The following TAF1L variants were observed in gnomAD, a reference collection of about 807,000 sequenced individuals.
TAF1L encodes transcription initiation factor TFIID subunit 1-like.
Under a neutral mutation model 128.8 loss-of-function variants are expected in TAF1L, and 30 were observed. The observed-to-expected ratio is 0.23, with a 90% CI of 0.17 to 0.32. The LOEUF (loss-of-function observed/expected upper bound fraction) is 0.32. TAF1L is among the 10% of genes least tolerant of loss of function. The pLI is 1.00. For synonymous variants in TAF1L, 764 were observed against 790.7 expected, an observed-to-expected ratio of 0.97 and a Z score of 0.57; for missense variants, 2,099 against 2,253.7, an observed-to-expected ratio of 0.93 and a Z score of 1.39.
In TAF1L at chr9:32,630,396, C is replaced by T. The variant is rs1055664019; in HGVS notation, c.5184G>A (p.Glu1728=). Residue 1728 remains glutamate, a synonymous_variant, in exon 1 of 1, where the codon GAG becomes GAA. Transcript: ENST00000242310. ...VDVEGYDDEE[E]DGKPKPPAPE... ...GGGCTGGAGGCTTAGGTTTCCCATC[C>T]TCCTCCTCATCATCATACCCTTCAA... is the stretch of plus-strand genomic sequence containing the variant. 1 of 1,614,036 alleles carries T rather than the reference C, an allele frequency of 6.2e-7. No individual in the cohort carries two copies. Among genetic ancestry groups the T allele is most frequent in the Non-Finnish European group, 8.5e-7 (1 of 1,180,040 alleles).
At position 32,634,641 on chromosome 9, in the gene TAF1L, A is replaced by G. The variant is rs1470137670; in HGVS notation, c.939T>C (p.Tyr313=). 6.8e-6 allele frequency: 11 copies of G among 1,613,910 alleles called. No homozygotes were observed. The highest frequency in any genetic ancestry group is 6.7e-5 in the Admixed American group (4 of 59,994). ...SEVSQKSLWN[Y]DYAPPPPPEQ... ...CTGGGGGTGGTGGTGGAGCATAGTC[A>G]TAGTTCCACAAAGACTTCTGGCTGA... The change falls in exon 1 of 1, where the codon TAT becomes TAC. Residue 313 remains tyrosine, a synonymous_variant. Coordinates refer to ENST00000242310, the MANE Select transcript of TAF1L (RefSeq NM_153809.2).
Position 32,634,370 on chromosome 9 carries a change from A to G in TAF1L, c.1210T>C (p.Phe404Leu), listed in dbSNP as rs1822555670. ...PVIKSRMMEE[F>L]RKLEESNGTD... is the part of the protein sequence containing the mutation. ...CCATTGCTTTCCTCAAGTTTCCTAA[A>G]TTCCTCCATCATTCTAGATTTTATC... The change falls in exon 1 of 1, where the codon TTT becomes CTT. Residue 404 changes from phenylalanine (F) to leucine (L), a missense_variant. By Grantham distance (22) the Phe-to-Leu change is conservative. Coordinates refer to ENST00000242310, the MANE Select transcript of TAF1L (RefSeq NM_153809.2). 6.2e-7 allele frequency: 1 copy of G among 1,613,920 alleles called. No homozygotes were observed. Among genetic ancestry groups the G allele is most frequent in the Non-Finnish European group, 8.5e-7 (1 of 1,180,014 alleles).
At position 32,629,980 on chromosome 9, in the gene TAF1L, TTG is replaced by T. The variant is rs1822494989; in HGVS notation, c.*117_*118del. 4 of 1,551,606 alleles carry T rather than the reference TTG, an allele frequency of 2.6e-6. No individual in the cohort carries two copies. The South Asian group carries it at 5.0e-5, about 20-fold the overall frequency. On this transcript the variant is annotated 3_prime_UTR_variant, in exon 1 of 1. Transcript: ENST00000242310. ...TGGAAATTTCCGATGCTGCTGAAGCTTGTGTCTTGGGTGTTCAACTTGGGATC... is the reference window on the plus strand; with the variant it reads ...TGGAAATTTCCGATGCTGCTGAAGCTTGTCTTGGGTGTTCAACTTGGGATC...
At position 32,630,708 on chromosome 9, in the gene TAF1L, A is replaced by C; in HGVS notation, c.4872T>G (p.Thr1624=). ...GTTGAGTCAAATGCTCATCATACTC[A>C]GTAATTGTCTGGTAACAGATGTTCA... ...EIVNICYQTI[T]EYDEHLTQLE... Residue 1624 remains threonine, a synonymous_variant, in exon 1 of 1, where the codon ACT becomes ACG. Transcript: ENST00000242310. 7 of 1,614,230 alleles carry C rather than the reference A, an allele frequency of 4.3e-6. No individual in the cohort carries two copies. The highest frequency in any genetic ancestry group is 5.9e-6 in the Non-Finnish European group (7 of 1,180,044).
rs1822547862 is a variant in TAF1L at position 32,633,779 on chromosome 9, C to A, written c.1801G>T (p.Gly601Cys). The A allele has an allele frequency of 3.1e-6, 5 of 1,614,058 alleles. No individual in the cohort carries two copies. The highest frequency in any genetic ancestry group is 2.7e-5 in the African/African-American group (2 of 74,924). The change falls in exon 1 of 1, where the codon GGC becomes TGC. Residue 601 changes from glycine (G) to cysteine (C), a missense_variant. By Grantham distance (159) the Gly-to-Cys change is radical (BLOSUM62 -3). This residue lies in a region of TAF1L where 1,213 missense variants were observed against 1,391.4 expected (regional missense o/e 0.87). Transcript: ENST00000242310. Reference sequence around the variant, plus strand: ...TGGATAATATTCCCTCCAAAGGTGCCCCGAAGACCCTGTTGCTTGGGGAAA... The same window carrying A: ...TGGATAATATTCCCTCCAAAGGTGCACCGAAGACCCTGTTGCTTGGGGAAA... ...YYFPKQQGLR[G>C]TFGGNIIQHS...
rs755547310 is a variant in TAF1L, at chr9:32,635,613, G to T, written c.-34C>A. ...AATAAAACAACAGTCGCCCGGAAGT[G>T]ATCTACTTAGCTCCCTTACCCTACC... is the stretch of plus-strand genomic sequence containing the variant. On this transcript the variant is annotated 5_prime_UTR_variant, in exon 1 of 1. Transcript: ENST00000242310. 7.5e-7 allele frequency: 1 copy of T among 1,341,872 alleles called. No homozygotes were observed. The highest frequency in any genetic ancestry group is 4.5e-5 in the East Asian group (1 of 22,152). The allele number at this position is 1,341,872 out of a possible 1,614,324, so 83.1% of individuals were successfully genotyped here.
chr9:32,631,931 G>A lies in TAF1L; in HGVS notation c.3649C>T (p.Arg1217Trp), dbSNP rs751675354. Residue 1217 changes from arginine to tryptophan, a missense_variant, in exon 1 of 1, where the codon CGG (arginine) becomes TGG (tryptophan). Coordinates refer to ENST00000242310, the MANE Select transcript of TAF1L (RefSeq NM_153809.2). This position sits in a 1 kb window ranked among gnomAD's most constrained non-coding sequence, Gnocchi z 4.1. ...PAVIDAYVRI[R>W]TTKDEKFIQK... ...ATGAATTTCTCATCTTTTGTAGTCC[G>A]TATGCGCACATAGGCATCAATGACA... 8.7e-6 allele frequency: 14 copies of A among 1,614,004 alleles called. No individual in the cohort carries two copies. Among genetic ancestry groups the A allele is most frequent in the South Asian group, 7.7e-5 (7 of 91,090 alleles).
In TAF1L at chr9:32,631,014, G is replaced by A. The variant is rs1822510465; in HGVS notation, c.4566C>T (p.Asp1522=). Reference sequence around the variant, plus strand: ...CCAGAATGAAAGAAAATGCCACTTGGTCATCATCATCCAGCAAGGGGTTGA... The same window carrying A: ...CCAGAATGAAAGAAAATGCCACTTGATCATCATCATCCAGCAAGGGGTTGA... ...KAINPLLDDD[D]QVAFSFILDN... Residue 1522 remains aspartate, a synonymous_variant, in exon 1 of 1, where the codon GAC becomes GAT. Transcript: ENST00000242310. This position sits in a 1 kb window ranked among gnomAD's most constrained non-coding sequence, Gnocchi z 4.1. The A allele has an allele frequency of 3.7e-6, 6 of 1,614,134 alleles. No individual in the cohort carries two copies. The highest frequency in any genetic ancestry group is 5.1e-6 in the Non-Finnish European group (6 of 1,180,038).
At position 32,630,205 on chromosome 9, in the gene TAF1L, C is replaced by T. The variant is rs775940138; in HGVS notation, c.5375G>A (p.Ser1792Asn). Reference sequence around the variant, plus strand: ...CACATCAGAGTCACTTCCACTTTCACTCAGCTGGATAGCAGAGAAAGGATT... The same window carrying T: ...CACATCAGAGTCACTTCCACTTTCATTCAGCTGGATAGCAGAGAAAGGATT... ...GDNPFSAIQL[S>N]ESGSDSDVGY... Residue 1792 changes from serine to asparagine, a missense_variant, in exon 1 of 1, where the codon AGT becomes AAT. Physicochemically the swap from Ser to Asn is conservative, Grantham distance 46. Transcript: ENST00000242310. 3.7e-6 allele frequency: 6 copies of T among 1,614,222 alleles called. No individual in the cohort carries two copies. The highest frequency in any genetic ancestry group is 2.2e-5 in the South Asian group (2 of 91,084).
At position 32,633,357 on chromosome 9, in the gene TAF1L, A is replaced by C. The variant is rs371818870; in HGVS notation, c.2223T>G (p.Thr741=). Residue 741 remains threonine (T), a synonymous_variant, in exon 1 of 1, where the codon ACT becomes ACG. Transcript: ENST00000242310. The stretch of plus-strand genomic sequence containing the variant: ...AGAAAGGAGATGTATGGCAGTAAAC[A>C]GTTTCCCCATATTTACAATCTGGTG... ...PGAPDCKYGE[T]VYCHTSPFLG... is the part of the protein sequence containing the mutation. 1.9e-6 allele frequency: 3 copies of C among 1,614,242 alleles called. No individual in the cohort carries two copies. The highest frequency in any genetic ancestry group is 4.5e-5 in the East Asian group (2 of 44,894).
Position 32,635,253 on chromosome 9 carries a change from A to G in TAF1L, c.327T>C (p.Tyr109=). ...WIRSTEDAVD[Y]SDINEVAEDE... ...CTTCTGCCACCTCATTGATGTCTGA[A>G]TAGTCTACAGCATCTTCTGTACTCC... Residue 109 remains tyrosine, a synonymous_variant, in exon 1 of 1, where the codon TAT becomes TAC. Coordinates refer to ENST00000242310, the MANE Select transcript of TAF1L (RefSeq NM_153809.2). The G allele has an allele frequency of 6.2e-7, 1 of 1,614,074 alleles. No individual in the cohort carries two copies. Among genetic ancestry groups the G allele is most frequent in the Non-Finnish European group, 8.5e-7 (1 of 1,180,004 alleles).
Position 32,635,306 on chromosome 9 carries a change from C to T in TAF1L, c.274G>A (p.Ala92Thr), listed in dbSNP as rs373470290. 9.3e-6 allele frequency: 15 copies of T among 1,614,072 alleles called. No homozygotes were observed. The highest frequency in any genetic ancestry group is 3.3e-5 in the Admixed American group (2 of 60,006). The change falls in exon 1 of 1, where the codon GCC (alanine) becomes ACC (threonine). Residue 92 changes from alanine to threonine, a missense_variant. Physicochemically the swap from Ala to Thr is moderately conservative, Grantham distance 58 (BLOSUM62 0). Transcript: ENST00000242310. ...ATCCACCCTTCATCATTTACCAAGGCACCGCCAGTCCCAGTCAATTCTTCA... is the reference window on the plus strand; with the variant it reads ...ATCCACCCTTCATCATTTACCAAGGTACCGCCAGTCCCAGTCAATTCTTCA... ...ANEELTGTGG[A>T]LVNDEGWIRS... is the part of the protein sequence containing the mutation.
rs56128445 is a variant in TAF1L, at chr9:32,633,985, A to G, written c.1595T>C (p.Ile532Thr). ...DPNDENLILEIPDEKEEATSN... is the reference protein window; with the variant it reads ...DPNDENLILETPDEKEEATSN... ...GGTGGCCTCTTCCTTCTCATCAGGA[A>G]TTTCCAAAATGAGGTTCTCATCATT... The change falls in exon 1 of 1, where the codon ATT (isoleucine) becomes ACT (threonine). Residue 532 changes from isoleucine to threonine, a missense_variant. Ile to Thr is a moderately conservative substitution (Grantham distance 89). This residue lies in a region of TAF1L where 1,213 missense variants were observed against 1,391.4 expected (regional missense o/e 0.87). Transcript: ENST00000242310. 1 of 1,614,014 alleles carries G rather than the reference A, an allele frequency of 6.2e-7. No individual in the cohort carries two copies. Among genetic ancestry groups the G allele is most frequent in the Non-Finnish European group, 8.5e-7 (1 of 1,180,038 alleles).
chr9:32,630,673 T>C lies in TAF1L; in HGVS notation c.4907A>G (p.Asp1636Gly). The C allele has an allele frequency of 6.2e-7, 1 of 1,614,216 alleles. No individual in the cohort carries two copies. Residue 1636 changes from aspartate (D) to glycine (G), a missense_variant, in exon 1 of 1, where the codon GAT becomes GGT. This residue lies in a region of TAF1L where 404 missense variants were observed against 406.5 expected (regional missense o/e 0.99). Coordinates refer to ENST00000242310, the MANE Select transcript of TAF1L (RefSeq NM_153809.2). ...YDEHLTQLEK[D>G]ICTAKEAALE... ...AGCTGCTTCTTTAGCTGTACAAATATCCTTCTCAAGTTGAGTCAAATGCTC... is the reference window on the plus strand; with the variant it reads ...AGCTGCTTCTTTAGCTGTACAAATACCCTTCTCAAGTTGAGTCAAATGCTC...
chr9:32,635,348 T>C lies in TAF1L; in HGVS notation c.232A>G (p.Thr78Ala), dbSNP rs1488595559. The part of the protein sequence containing the change: ...LGALGLGSLI[T>A]ELTANEELTG... ...AATTCTTCATTTGCCGTGAGTTCAG[T>C]GATTAGGCTGCCCAGCCCCAAAGCC... The change falls in exon 1 of 1, where the codon ACT (threonine) becomes GCT (alanine). Residue 78 changes from threonine (T) to alanine (A), a missense_variant. Thr to Ala is a moderately conservative substitution (Grantham distance 58, BLOSUM62 0). Transcript: ENST00000242310. The C allele has an allele frequency of 6.2e-7, 1 of 1,614,074 alleles. No individual in the cohort carries two copies. The highest frequency in any genetic ancestry group is 1.3e-5 in the African/African-American group (1 of 74,918).
At position 32,633,336 on chromosome 9, in the gene TAF1L, A is replaced by G. The variant is rs775997660; in HGVS notation, c.2244T>C (p.Pro748=). ...GGCCAGGATGGAGAGAGCCCAAGAAAGGAGATGTATGGCAGTAAACAGTTT... is the reference window on the plus strand; with the variant it reads ...GGCCAGGATGGAGAGAGCCCAAGAAGGGAGATGTATGGCAGTAAACAGTTT... ...YGETVYCHTS[P]FLGSLHPGQL... The change falls in exon 1 of 1, where the codon CCT becomes CCC. Residue 748 remains proline, a synonymous_variant. Transcript: ENST00000242310. The G allele has an allele frequency of 6.8e-6, 11 of 1,614,230 alleles. No individual in the cohort carries two copies. Among genetic ancestry groups the G allele is most frequent in the Non-Finnish European group, 9.3e-6 (11 of 1,180,048 alleles).
In TAF1L at chr9:32,634,586, T is replaced by C. The variant is rs989997879; in HGVS notation, c.994A>G (p.Met332Val). ...AATTTGGACTCCACAGGAACCATCA[T>C]CGTGATTTCATCATCAGCGAGACAC... ...EQCLADDEIT[M>V]MVPVESKFSQ... is the part of the protein sequence containing the mutation. The change falls in exon 1 of 1, where the codon ATG becomes GTG. Residue 332 changes from methionine to valine, a missense_variant. Physicochemically the swap from Met to Val is conservative, Grantham distance 21. Transcript: ENST00000242310. 6.2e-7 allele frequency: 1 copy of C among 1,614,076 alleles called. No homozygotes were observed. Among genetic ancestry groups the C allele is most frequent in the Non-Finnish European group, 8.5e-7 (1 of 1,180,028 alleles).
chr9:32,633,193 A>T lies in TAF1L; in HGVS notation c.2387T>A (p.Val796Glu). The T allele has an allele frequency of 6.2e-7, 1 of 1,614,172 alleles. No individual in the cohort carries two copies. Among genetic ancestry groups the T allele is most frequent in the Non-Finnish European group, 8.5e-7 (1 of 1,180,026 alleles). The part of the protein sequence containing the change: ...TRQGYYIREL[V>E]DIFVVGQQCP... ...CTGCTGGCCAACCACAAAAATATCC[A>T]CTAATTCCCGAATATAGTAACCCTG... Residue 796 changes from valine (V) to glutamate (E), a missense_variant, in exon 1 of 1, where the codon GTG becomes GAG. Val to Glu is a moderately radical substitution (Grantham distance 121). Transcript: ENST00000242310.
rs780660367 is a variant in TAF1L, at chr9:32,630,380, G to C, written c.5200C>G (p.Pro1734Ala). Reference protein sequence around the residue: ...DDEEEDGKPKPPAPEGGDGDL... With the variant: ...DDEEEDGKPKAPAPEGGDGDL... ...CCATCTCCCCCTTCTGGGGCTGGAG[G>C]CTTAGGTTTCCCATCCTCCTCCTCA... The change falls in exon 1 of 1, where the codon CCT (proline) becomes GCT (alanine). Residue 1734 changes from proline to alanine, a missense_variant. By Grantham distance (27) the Pro-to-Ala change is conservative. Around this residue, in one of 4 missense-constraint regions of TAF1L, gnomAD observed 404 missense variants for 406.5 expected, o/e 0.99. Transcript: ENST00000242310. 1.1e-5 allele frequency: 18 copies of C among 1,614,012 alleles called. No homozygotes were observed. In the Admixed American group the frequency reaches 2.8e-4, roughly 25 times the overall value.
Sources: gnomAD v4.1 joint callset for allele counts on GRCh38, gnomAD v4.1.1 for gene constraint, gnomAD v4.1.1 regional missense constraint, Gnocchi (gnomAD v3.1) non-coding constraint, MANE v1.5 for transcripts, NCBI Gene and HGNC (gene_info 2026-07-23, HGNC 2026-07-21) for gene names.